SNX8: variants seen among roughly 807,000 people sequenced by gnomAD.
SNX8 encodes sorting nexin-8.
SNX8 carries 25 observed loss-of-function variants against 51.6 expected under a neutral mutation model. The observed-to-expected ratio is 0.48, with a 90% CI of 0.35 to 0.68. The LOEUF is 0.68. SNX8 is among the 30% of genes least tolerant of loss of function. SNX8 has a pLI of 0.00. For missense variants in SNX8, 695 were observed against 624.0 expected (o/e 1.11, Z -1.21); for synonymous variants, 324 against 277.0 (o/e 1.17, Z -1.68).
upstream of SNX8, among the ~76,000 whole-genome samples, chr7:2,315,885 CTA>C (rs1226706827): frequency 6.0e-5 from 8 of 133,264 alleles, no homozygotes; most frequent in African/African-American, 2.2e-4. Context: ...CACTCACTCA[CTA>C]ACTGCATCCT....
At chr7:2,269,074 T>C (rs1458001952) in intron 5 of SNX8, among the ~76,000 whole-genome samples, 4 of 134,746 alleles carry the variant, frequency 3.0e-5, no homozygotes, top group African/African-American at 1.1e-4. Flanking sequence ...AATGGCGGCT[T>C]TGTGGAATAG....
At chr7:2,285,083 A>G (rs1035485166) in intron 1 of SNX8, among the ~76,000 whole-genome samples, 14 of 151,868 alleles carry the variant, frequency 9.2e-5, no homozygotes, top group Admixed American at 2.6e-4. Flanking sequence ...GTGGTGGCGG[A>G]CACCTGTAGT....
chr7:2,327,802 A>G (rs184773809), intron 1 of SNX8, among the ~76,000 whole-genome samples: 2,043 of 152,190 alleles, frequency 0.013, 44 homozygotes, highest in African/African-American at 0.047. Flanking sequence ...TTGGCCTCCC[A>G]AAGTGCTGGG....
At chr7:2,285,653 T>C (rs898942924) in intron 1 of SNX8, among the ~76,000 whole-genome samples, 3 of 151,460 alleles carry the variant, frequency 2.0e-5, no homozygotes, top group South Asian at 2.1e-4. Flanking sequence ...GCCATACAGG[T>C]CTCATACTTT....
At chr7:2,325,505 G>C (rs1249711249) in intron 1 of SNX8, among the ~76,000 whole-genome samples, 1 of 152,100 alleles carries the variant, frequency 6.6e-6, no homozygotes, top group East Asian at 1.9e-4. Context: ...AGACGTTAAA[G>C]GTGCTGCTGA....
chr7:2,268,081 C>T (rs184588503), intron 5 of SNX8, among the ~76,000 whole-genome samples: 1 of 126,260 alleles, frequency 7.9e-6, no homozygotes, highest in East Asian at 2.4e-4. Flanking sequence ...GTCAGCCCCA[C>T]CACCTGGCCA....
upstream of SNX8, among the ~76,000 whole-genome samples, chr7:2,314,727 C>G (rs142470016): frequency 8.2e-3 from 1,243 of 152,324 alleles, 17 homozygotes; most frequent in African/African-American, 0.028. Context: ...CAAGCCTGCA[C>G]CCACCGCACC....
Position 2,275,192 on chromosome 7 carries a change from A to T in SNX8, c.338T>A (p.Phe113Tyr). ...KSSVYRRYND[F>Y]VVFQEMLLHK... Reference sequence around the variant, plus strand: ...CAGGAGCATCTCCTGGAAGACCACGAAGTCATTGTACCGTCTGTATACCGA... The same window carrying T: ...CAGGAGCATCTCCTGGAAGACCACGTAGTCATTGTACCGTCTGTATACCGA... The change falls in exon 3 of 11, where the codon TTC (phenylalanine) becomes TAC (tyrosine). Residue 113 changes from phenylalanine to tyrosine, a missense_variant. Physicochemically the swap from Phe to Tyr is conservative, Grantham distance 22. Coordinates refer to ENST00000222990, the MANE Select transcript of SNX8 (RefSeq NM_013321.4). 1 of 1,614,104 alleles carries T rather than the reference A, an allele frequency of 6.2e-7. No individual in the cohort carries two copies. Among genetic ancestry groups the T allele is most frequent in the East Asian group, 2.2e-5 (1 of 44,860 alleles).
chr7:2,295,620 GA>G (rs1796257884), intron 1 of SNX8, among the ~76,000 whole-genome samples: 1 of 146,508 alleles, frequency 6.8e-6, no homozygotes, highest in Admixed American at 6.9e-5. Context: ...AAAAAAAAAG[GA>G]AATGTGTTTC....
At chr7:2,303,964 A>G (rs963224049) in intron 1 of SNX8, among the ~76,000 whole-genome samples, 2 of 150,698 alleles carry the variant, frequency 1.3e-5, no homozygotes, top group Non-Finnish European at 3.0e-5. Context: ...AAATAATAAT[A>G]ATAAATAAAA....
intron 1 of SNX8, among the ~76,000 whole-genome samples, chr7:2,286,520 TA>T (rs1293809467): frequency 1.7e-4 from 21 of 123,120 alleles, no homozygotes; most frequent in Middle Eastern, 3.9e-3. Flanking sequence ...GGCTATTTTA[TA>T]ATTTTTTTTT....
At chr7:2,268,726 GGGGGGGT>G (rs1795558777) in intron 5 of SNX8, among the ~76,000 whole-genome samples, 1 of 15,062 alleles carries the variant, frequency 6.6e-5, no homozygotes, top group Admixed American at 6.5e-4. Flanking sequence ...GAGGGAGGTG[GGGGGGGT>G]CAGCCCCCCA....
chr7:2,276,216 C>G (rs1031591806), intron 2 of SNX8, among the ~76,000 whole-genome samples: 4 of 152,188 alleles, frequency 2.6e-5, no homozygotes, highest in Non-Finnish European at 4.4e-5. Context: ...CTCACACGCT[C>G]AGAGTTGCCT....
At chr7:2,262,186 C>T (rs567362097) in intron 7 of SNX8, among the ~76,000 whole-genome samples, 1 of 152,114 alleles carries the variant, frequency 6.6e-6, no homozygotes, top group Non-Finnish European at 1.5e-5. Flanking sequence ...TACAGACACG[C>T]ACCACCACCC....
intron 1 of SNX8, among the ~76,000 whole-genome samples, chr7:2,301,824 A>C (rs1218889570): frequency 6.6e-6 from 1 of 152,144 alleles, no homozygotes; most frequent in East Asian, 1.9e-4. Flanking sequence ...CTAACTCATT[A>C]CCAAACCTCT....
chr7:2,346,311 T>TGG (rs1433452170), intron 1 of SNX8, among the ~76,000 whole-genome samples: 1 of 151,842 alleles, frequency 6.6e-6, no homozygotes, highest in Non-Finnish European at 1.5e-5. Flanking sequence ...TTGGGTATGG[T>TGG]GGTGCATGCC....
chr7:2,314,661 C>G (rs1796726108), upstream of SNX8, among the ~76,000 whole-genome samples: 1 of 152,304 alleles, frequency 6.6e-6, no homozygotes, highest in Non-Finnish European at 1.5e-5. Context: ...GCTGGTGGCG[C>G]AGGTTACCTC....
At chr7:2,273,700 G>A (rs1339513301) in intron 3 of SNX8, among the ~76,000 whole-genome samples, 1 of 150,924 alleles carries the variant, frequency 6.6e-6, no homozygotes, top group Non-Finnish European at 1.5e-5. Context: ...TCAGGAGATT[G>A]AGACCATCCT....
At chr7:2,337,510 A>T (rs899969595) in intron 1 of SNX8, among the ~76,000 whole-genome samples, 1 of 152,292 alleles carries the variant, frequency 6.6e-6, no homozygotes, top group Non-Finnish European at 1.5e-5. Flanking sequence ...AAAATCAGTA[A>T]TACATTTCTA....
Sources: gnomAD v4.1 joint callset for allele counts (sites outside exome capture counted in the v4.1 genomes callset) on GRCh38, gnomAD v4.1.1 for gene constraint, MANE v1.5 for transcripts, NCBI Gene and HGNC (gene_info 2026-07-23, HGNC 2026-07-21) for gene names.